Variants in DPEP3 observed in about 807,000 individuals in gnomAD.
The protein encoded by DPEP3 is membrane-bound dipeptidase 3.
In DPEP3, 42 loss-of-function variants were observed where a neutral mutation model predicts 47.5. The observed-to-expected ratio is 0.88, with a 90% CI of 0.69 to 1.14. The LOEUF is 1.14. DPEP3 is among the 50% of genes most tolerant of loss of function. The probability of loss-of-function intolerance (pLI) is 0.00; values close to 1 mark genes in which losing one functional copy is unlikely to be tolerated. For synonymous variants in DPEP3, 276 were observed against 270.2 expected (o/e 1.02, Z -0.21); for missense variants, 560 against 635.0 (o/e 0.88, Z 1.27).
chr16:67,978,351 A>G lies in DPEP3; in HGVS notation c.602T>C (p.Leu201Pro). Residue 201 changes from leucine to proline, a missense_variant, in exon 4 of 10, where the codon CTG (leucine) becomes CCG (proline). Physicochemically the swap from Leu to Pro is moderately conservative, Grantham distance 98. Transcript: ENST00000268793. The surrounding 1 kb of genome is among the most constrained non-coding windows in gnomAD (Gnocchi z 4.4). ...CLIGVEGGHS[L>P]DSSLSVLRSF... The stretch of plus-strand genomic sequence containing the variant: ...GCGCAGCACAGAGAGGCTGCTGTCC[A>G]GTGAGTGACCACCCTCCACGCCAAT... The G allele has an allele frequency of 6.2e-7, 1 of 1,614,088 alleles. No homozygotes were observed. The highest frequency in any genetic ancestry group is 8.5e-7 in the Non-Finnish European group (1 of 1,179,952).
chr16:67,979,833 C>A, intron 1 of DPEP3, 68 bp from the exon 2 acceptor site: 2 of 1,585,462 alleles, frequency 1.3e-6, no homozygotes, highest in Admixed American at 3.5e-5. Flanking sequence ...GTGCTTGGGT[C>A]TACCCTCCTC....
At position 67,977,338 on chromosome 16, in the gene DPEP3, A is replaced by G; in HGVS notation, c.950T>C (p.Ile317Thr). 6.2e-7 allele frequency: 1 copy of G among 1,613,846 alleles called. No individual in the cohort carries two copies. Among genetic ancestry groups the G allele is most frequent in the South Asian group, 1.1e-5 (1 of 91,070 alleles). The change falls in exon 7 of 10, where the codon ATC becomes ACC. Residue 317 changes from isoleucine to threonine, a missense_variant. Transcript: ENST00000268793. ...ILQLLKKNGG[I>T]VMVTLSMGVL... is the part of the protein sequence containing the mutation. The stretch of plus-strand genomic sequence containing the variant: ...CCCCATGGACAGTGTCACCATCACG[A>G]TGCCACCGTTCTTCTTCTAGAGGGA...
In DPEP3 at chr16:67,980,308, G is replaced by C. The variant is rs1291660002; in HGVS notation, c.73C>G (p.Leu25Val). 6.4e-7 allele frequency: 1 copy of C among 1,565,510 alleles called. No homozygotes were observed. Among genetic ancestry groups the C allele is most frequent in the African/African-American group, 1.4e-5 (1 of 73,732 alleles). ...RYLRRLLLLL[L>V]LLLLRQPVTR... ...ACGGGCTGCCGCAGCAGCAGCAGCAGTAGCAGGAGCAGCAGACGCCGCAGA... is the reference window on the plus strand; with the variant it reads ...ACGGGCTGCCGCAGCAGCAGCAGCACTAGCAGGAGCAGCAGACGCCGCAGA... Residue 25 changes from leucine (L) to valine (V), a missense_variant, in exon 1 of 10, where the codon CTG becomes GTG. Physicochemically the swap from Leu to Val is conservative, Grantham distance 32 (BLOSUM62 1). Coordinates refer to ENST00000268793, the MANE Select transcript of DPEP3 (RefSeq NM_001370198.1).
rs1014861788 is a variant in DPEP3, at chr16:67,979,726, C to G, written c.327G>C (p.Lys109Asn). The change falls in exon 2 of 10, where the codon AAG becomes AAC. Residue 109 changes from lysine (K) to asparagine (N), a missense_variant. Coordinates refer to ENST00000268793, the MANE Select transcript of DPEP3 (RefSeq NM_001370198.1). ...GCAGGTTAACATCCTGAAGCACATT[C>G]TTGTAACGCTGTCTCAGGACCTGGG... The part of the protein sequence containing the change: ...DLPQVLRQRY[K>N]NVLQDVNLRN... The G allele has an allele frequency of 4.3e-6, 7 of 1,613,992 alleles. No homozygotes were observed. Among genetic ancestry groups the G allele is most frequent in the Non-Finnish European group, 5.9e-6 (7 of 1,180,002 alleles).
chr16:67,976,682 C>T lies in DPEP3; in HGVS notation c.1094+18G>A, dbSNP rs370723665. 50 of 1,613,062 alleles carry T rather than the reference C, an allele frequency of 3.1e-5. No individual in the cohort carries two copies. The highest frequency in any genetic ancestry group is 4.2e-5 in the Non-Finnish European group (50 of 1,179,370). Reference sequence around the variant, plus strand: ...CTGCTGCACCCCAGCCTAAGAGAAACCTCAGGGAAGCACTCACCGGCCAGT... The same window carrying T: ...CTGCTGCACCCCAGCCTAAGAGAAATCTCAGGGAAGCACTCACCGGCCAGT... On this transcript the variant is annotated intron_variant, in intron 8 of 9. Transcript: ENST00000268793.
Position 67,980,274 on chromosome 16 carries a change from G to C in DPEP3, c.107C>G (p.Ala36Gly), listed in dbSNP as rs756932369. 1 of 1,589,492 alleles carries C rather than the reference G, an allele frequency of 6.3e-7. No individual in the cohort carries two copies. The highest frequency in any genetic ancestry group is 1.8e-5 in the Admixed American group (1 of 55,066). The change falls in exon 1 of 10, where the codon GCG becomes GGG. Residue 36 changes from alanine (A) to glycine (G), a missense_variant. Ala to Gly is a moderately conservative substitution (Grantham distance 60). Coordinates refer to ENST00000268793, the MANE Select transcript of DPEP3 (RefSeq NM_001370198.1). ...TCTGGGGGCGCCCGGCGTGGTCTCC[G>C]CGCGGGTTACGGGCTGCCGCAGCAG... ...LLLLRQPVTR[A>G]ETTPGAPRAL...
Position 67,976,754 on chromosome 16 carries a change from G to T in DPEP3, c.1040C>A (p.Ala347Glu). 6.2e-7 allele frequency: 1 copy of T among 1,614,086 alleles called. No individual in the cohort carries two copies. Among genetic ancestry groups the T allele is most frequent in the Non-Finnish European group, 8.5e-7 (1 of 1,179,986 alleles). The change falls in exon 8 of 10, where the codon GCA becomes GAA. Residue 347 changes from alanine to glutamate, a missense_variant. By Grantham distance (107) the Ala-to-Glu change is moderately radical. Transcript: ENST00000268793. The stretch of plus-strand genomic sequence containing the variant: ...CCCGATGAACTCAGATCCAATGACT[G>T]CCCTGATGTGGTCAAAGTGATCTAG... ...TVADHFDHIR[A>E]VIGSEFIGIG...
chr16:67,978,586 G>A lies in DPEP3; in HGVS notation c.455C>T (p.Thr152Ile), dbSNP rs1238276408. Residue 152 changes from threonine (T) to isoleucine (I), a missense_variant, in exon 3 of 10, where the codon ACT (threonine) becomes ATT (isoleucine). Thr to Ile is a moderately conservative substitution (Grantham distance 89). Coordinates refer to ENST00000268793, the MANE Select transcript of DPEP3 (RefSeq NM_001370198.1). The surrounding 1 kb of genome is among the most constrained non-coding windows in gnomAD (Gnocchi z 4.4). Reference protein sequence around the residue: ...ASVSCQSQDQTAVRLALEQID... With the variant: ...ASVSCQSQDQIAVRLALEQID... ...CTGCTCCAGGGCGAGGCGCACGGCA[G>A]TCTGGTCCTGGGACTGGCATGAGAC... is the stretch of plus-strand genomic sequence containing the variant. 1.9e-6 allele frequency: 3 copies of A among 1,613,970 alleles called. No homozygotes were observed. Among genetic ancestry groups the A allele is most frequent in the Non-Finnish European group, 2.5e-6 (3 of 1,179,924 alleles).
Position 67,980,169 on chromosome 16 carries a change from G to T in DPEP3, c.212C>A (p.Thr71Lys), listed in dbSNP as rs752641508. The part of the protein sequence containing the change: ...PSALTTPGLT[T>K]PGTPKTLDLR... Reference sequence around the variant, plus strand: ...GTCCAGGGTTTTGGGGGTGCCTGGCGTAGTGAGGCCTGGGGTAGTGAGGGC... The same window carrying T: ...GTCCAGGGTTTTGGGGGTGCCTGGCTTAGTGAGGCCTGGGGTAGTGAGGGC... Residue 71 changes from threonine to lysine, a missense_variant, in exon 1 of 10, where the codon ACG becomes AAG. Coordinates refer to ENST00000268793, the MANE Select transcript of DPEP3 (RefSeq NM_001370198.1). 6.2e-7 allele frequency: 1 copy of T among 1,612,254 alleles called. No individual in the cohort carries two copies. The highest frequency in any genetic ancestry group is 1.3e-5 in the African/African-American group (1 of 74,988).
At chr16:67,977,600 C>T (rs554992952) in intron 6 of DPEP3, 53 bp downstream of exon 6, 125 of 1,560,768 alleles carry the variant, frequency 8.0e-5, no homozygotes, top group Non-Finnish European at 1.0e-4. Flanking sequence ...TGCTCAGGGT[C>T]AAGAACCTTT....
intron 7 of DPEP3, 63 bp downstream of exon 7, chr16:67,977,207 G>A (rs1475523180): frequency 5.3e-5 from 79 of 1,491,160 alleles, no homozygotes; most frequent in Non-Finnish European, 6.6e-5. Flanking sequence ...TGCTAGAGTC[G>A]TCCTGAGGGC....
intron 6 of DPEP3, 46 bp from the exon 7 acceptor site, chr16:67,977,400 A>T: frequency 6.4e-7 from 1 of 1,572,408 alleles, no homozygotes; most frequent in Non-Finnish European, 8.7e-7. Context: ...TGGCCTGAGA[A>T]CATGCCTCCT....
chr16:67,978,234 C>A lies in DPEP3; in HGVS notation c.686+33G>T. On this transcript the variant is annotated intron_variant, in intron 4 of 9. Coordinates refer to ENST00000268793, the MANE Select transcript of DPEP3 (RefSeq NM_001370198.1). The surrounding 1 kb of genome is among the most constrained non-coding windows in gnomAD (Gnocchi z 4.4). ...GGAATGGGGCAGTTTCCACACCATG[C>A]CATCTAGCATCCTGGCCAGGTGTTA... 2 of 1,613,484 alleles carry A rather than the reference C, an allele frequency of 1.2e-6. No individual in the cohort carries two copies. Among genetic ancestry groups the A allele is most frequent in the Non-Finnish European group, 1.7e-6 (2 of 1,179,650 alleles).
rs748516553 is a variant in DPEP3 at position 67,980,309 on chromosome 16, T to G, written c.72A>C (p.Leu24=). 1.5e-5 allele frequency: 23 copies of G among 1,564,646 alleles called. No individual in the cohort carries two copies. In the South Asian group the frequency reaches 1.5e-4, roughly 10 times the overall value. ...RRYLRRLLLL[L]LLLLLRQPVT... ...CGGGCTGCCGCAGCAGCAGCAGCAG[T>G]AGCAGGAGCAGCAGACGCCGCAGAT... Residue 24 remains leucine, a synonymous_variant, in exon 1 of 10, where the codon CTA becomes CTC. Transcript: ENST00000268793.
At chr16:67,976,912 G>T in intron 7 of DPEP3, 137 bp from the exon 8 acceptor site, 1 of 733,712 alleles carries the variant, frequency 1.4e-6, no homozygotes, top group African/African-American at 1.8e-5. Flanking sequence ...GCGGGTACAG[G>T]CTGGTCACTG....
Position 67,980,093 on chromosome 16 carries a change from C to G in DPEP3, c.287+1G>C. 6.2e-7 allele frequency: 1 copy of G among 1,608,470 alleles called. No homozygotes were observed. The highest frequency in any genetic ancestry group is 1.1e-5 in the South Asian group (1 of 90,218). ...GTTGCCCAAACGCTGCACCTACATA[C>G]CCGTCCACGAGTGGGAAACTCCGCA... is the stretch of plus-strand genomic sequence containing the variant. On this transcript the variant is annotated splice_donor_variant, in intron 1 of 9. Transcript: ENST00000268793. LOFTEE classifies it high-confidence loss of function.
In DPEP3 at chr16:67,976,744, T is replaced by A. The variant is rs2031205154; in HGVS notation, c.1050A>T (p.Gly350=). 4 of 1,614,032 alleles carry A rather than the reference T, an allele frequency of 2.5e-6. No individual in the cohort carries two copies. The highest frequency in any genetic ancestry group is 1.6e-4 in the Middle Eastern group (1 of 6,062). ...TTCCACCAATCCCGATGAACTCAGATCCAATGACTGCCCTGATGTGGTCAA... is the reference window on the plus strand; with the variant it reads ...TTCCACCAATCCCGATGAACTCAGAACCAATGACTGCCCTGATGTGGTCAA... ...DHFDHIRAVI[G]SEFIGIGGNY... Residue 350 remains glycine, a synonymous_variant, in exon 8 of 10, where the codon GGA becomes GGT. Coordinates refer to ENST00000268793, the MANE Select transcript of DPEP3 (RefSeq NM_001370198.1).
In DPEP3 at chr16:67,980,199, G is replaced by C; in HGVS notation, c.182C>G (p.Pro61Arg). 1 of 1,610,588 alleles carries C rather than the reference G, an allele frequency of 6.2e-7. No homozygotes were observed. The highest frequency in any genetic ancestry group is 1.3e-5 in the African/African-American group (1 of 74,916). ...SPSLFTTPGV[P>R]SALTTPGLTT... ...GAGGCCTGGGGTAGTGAGGGCGCTG[G>C]GGACACCCGGCGTGGTGAAGAGGCT... Residue 61 changes from proline to arginine, a missense_variant, in exon 1 of 10, where the codon CCC becomes CGC. Coordinates refer to ENST00000268793, the MANE Select transcript of DPEP3 (RefSeq NM_001370198.1).
intron 8 of DPEP3, 93 bp from the exon 9 acceptor site, chr16:67,976,321 T>G: frequency 9.1e-6 from 14 of 1,535,514 alleles, no homozygotes; most frequent in Non-Finnish European, 1.2e-5. Flanking sequence ...CAGGGGAAAC[T>G]GAAGGCCAAG....
Sources: gnomAD v4.1 joint callset for allele counts on GRCh38, gnomAD v4.1.1 for gene constraint, Gnocchi (gnomAD v3.1) non-coding constraint, MANE v1.5 for transcripts, NCBI Gene and HGNC (gene_info 2026-07-23, HGNC 2026-07-21) for gene names.